The following CCDC7 variants were observed in gnomAD, a reference collection of about 807,000 sequenced individuals.
CCDC7 encodes coiled-coil domain-containing protein 7.
CCDC7 carries 183 observed loss-of-function variants against 196.9 expected under a neutral mutation model. That is an observed-to-expected ratio of 0.93 (90% CI 0.82 to 1.05). The LOEUF (loss-of-function observed/expected upper bound fraction) is 1.05, where lower values mean the gene tolerates loss of function less well. CCDC7 is among the 50% of genes least tolerant of loss of function. CCDC7 has a pLI of 0.00. For missense variants in CCDC7, 1,540 were observed against 1,482.2 expected (o/e 1.04, Z -0.64); for synonymous variants, 525 against 484.6 (o/e 1.08, Z -1.10).
At chr10:32,687,043 G>T (rs188097166) in intron 22 of CCDC7, among the ~76,000 whole-genome samples, 1 of 152,138 alleles carries the variant, frequency 6.6e-6, no homozygotes, top group Non-Finnish European at 1.5e-5. Flanking sequence ...TATGTCAATT[G>T]CTTTATACCT....
chr10:32,628,719 C>T (rs563851738), intron 18 of CCDC7, among the ~76,000 whole-genome samples: 116 of 152,094 alleles, frequency 7.6e-4, no homozygotes, highest in Non-Finnish European at 1.5e-3. Context: ...TTTCATTTGT[C>T]TCATTGTATG....
intron 8 of CCDC7, among the ~76,000 whole-genome samples, chr10:32,482,901 T>A (rs1416783849): frequency 2.0e-5 from 3 of 152,204 alleles, no homozygotes; most frequent in African/African-American, 7.2e-5. Flanking sequence ...TCTATCATTG[T>A]TGGACATTTG....
At chr10:32,807,300 A>C (rs559195030) in intron 30 of CCDC7, among the ~76,000 whole-genome samples, 33 of 152,278 alleles carry the variant, frequency 2.2e-4, no homozygotes, top group African/African-American at 7.9e-4. Flanking sequence ...TATTTACAGA[A>C]TTTTATTGCT....
chr10:32,664,230 A>G (rs1413844466), intron 21 of CCDC7, 69 bp downstream of exon 22: 2 of 382,428 alleles, frequency 5.2e-6, no homozygotes, highest in Non-Finnish European at 4.6e-6. Flanking sequence ...AGTAAAAATT[A>G]TATACATTCA....
chr10:32,770,602 G>T (rs1176353439), intron 28 of CCDC7, among the ~76,000 whole-genome samples: 1 of 152,110 alleles, frequency 6.6e-6, no homozygotes, highest in Non-Finnish European at 1.5e-5. Flanking sequence ...ATCTTGAATA[G>T]AATTTACTAT....
chr10:32,650,565 C>CGCCT (rs1243685669), intron 20 of CCDC7, among the ~76,000 whole-genome samples: 1 of 152,156 alleles, frequency 6.6e-6, no homozygotes, highest in Non-Finnish European at 1.5e-5. Flanking sequence ...GGGAAACAGG[C>CGCCT]AACACCCTTT....
chr10:32,799,799 A>G (rs1260367842), intron 29 of CCDC7, among the ~76,000 whole-genome samples: 2 of 152,204 alleles, frequency 1.3e-5, no homozygotes, highest in Non-Finnish European at 2.9e-5. Flanking sequence ...TAATGTCATC[A>G]ATATAATGGA....
At chr10:32,487,360 A>G (rs908524621) in intron 8 of CCDC7, among the ~76,000 whole-genome samples, 3 of 152,034 alleles carry the variant, frequency 2.0e-5, no homozygotes, top group African/African-American at 2.4e-5. Context: ...ACTTCTCTGC[A>G]TTGGTTATTC....
At chr10:32,497,462 T>C (rs1047708753) in intron 9 of CCDC7, among the ~76,000 whole-genome samples, 1 of 152,228 alleles carries the variant, frequency 6.6e-6, no homozygotes, top group African/African-American at 2.4e-5. Context: ...CTCGCTTCTC[T>C]TGTTCTTTTA....
intron 28 of CCDC7, among the ~76,000 whole-genome samples, chr10:32,760,284 A>G (rs2077222668): frequency 1.3e-5 from 2 of 152,198 alleles, no homozygotes; most frequent in Admixed American, 1.3e-4. Flanking sequence ...TGCTATAAAG[A>G]CACATGCACA....
chr10:32,512,593 T>C (rs969709271), intron 9 of CCDC7: 5 of 151,970 alleles, frequency 3.3e-5, no homozygotes, highest in African/African-American at 9.7e-5. Flanking sequence ...GACCTAAATG[T>C]AAGAAAATAA....
intron 2 of CCDC7, 57 bp from the exon 4 acceptor site, chr10:32,456,194 C>A: frequency 1.5e-6 from 2 of 1,359,054 alleles, no homozygotes; most frequent in Admixed American, 5.2e-5. Flanking sequence ...TAGAAAAAGA[C>A]AGACATGCAT....
chr10:32,770,532 T>C (rs1282600393), intron 28 of CCDC7, among the ~76,000 whole-genome samples: 1 of 152,170 alleles, frequency 6.6e-6, no homozygotes, highest in Non-Finnish European at 1.5e-5. Flanking sequence ...TTGTGGCCTA[T>C]TATATGGTCT....
chr10:32,792,097 C>T (rs2082794509), intron 29 of CCDC7, among the ~76,000 whole-genome samples: 1 of 151,956 alleles, frequency 6.6e-6, no homozygotes, highest in Non-Finnish European at 1.5e-5. Flanking sequence ...AATACTATAC[C>T]CATCAAAGAT....
intron 28 of CCDC7, among the ~76,000 whole-genome samples, chr10:32,770,538 G>T (rs915904196): frequency 6.6e-6 from 1 of 152,028 alleles, no homozygotes; most frequent in African/African-American, 2.4e-5. Context: ...CCTATTATAT[G>T]GTCTGTCTTG....
At chr10:32,554,611 G>A (rs547367767) in intron 13 of CCDC7, among the ~76,000 whole-genome samples, 5 of 152,120 alleles carry the variant, frequency 3.3e-5, no homozygotes, top group Non-Finnish European at 7.3e-5. Context: ...GTGTGTTTTC[G>A]GGAAAGGAGG....
At chr10:32,824,538 A>G in exon 32 of CCDC7, 1 of 1,610,100 alleles carries the variant, frequency 6.2e-7, no homozygotes, top group Non-Finnish European at 8.5e-7. Context: ...ACGATTGCAT[A>G]GTACAACTGA....
chr10:32,483,103 A>C (rs1330690266), intron 8 of CCDC7, among the ~76,000 whole-genome samples: 2 of 152,210 alleles, frequency 1.3e-5, no homozygotes, highest in African/African-American at 4.8e-5. Context: ...GAACTAGTTT[A>C]CAGTCCCACC....
chr10:32,533,953 G>A (rs2050088573), intron 11 of CCDC7, among the ~76,000 whole-genome samples: 1 of 151,952 alleles, frequency 6.6e-6, no homozygotes, highest in South Asian at 2.1e-4. Context: ...AGAAGTTTTG[G>A]AAAGTTTTCT....
Sources: gnomAD v4.1 joint callset for allele counts (sites outside exome capture counted in the v4.1 genomes callset) on GRCh38, gnomAD v4.1.1 for gene constraint, MANE v1.5 for transcripts, NCBI Gene and HGNC (gene_info 2026-07-23, HGNC 2026-07-21) for gene names.